The following GIPC1 variants were observed in gnomAD, a reference collection of about 807,000 sequenced individuals.
GIPC1 encodes GIPC PDZ domain containing family member 1.
Under a neutral mutation model 28.5 loss-of-function variants are expected in GIPC1, and 15 were observed. The observed-to-expected ratio is 0.53, with a 90% CI of 0.35 to 0.81. The LOEUF (loss-of-function observed/expected upper bound fraction) is 0.81. GIPC1 is among the 30% of genes least tolerant of loss of function. The pLI is 0.01. For synonymous variants in GIPC1, 224 were observed against 206.1 expected (o/e 1.09, Z -0.74); for missense variants, 439 against 481.9 (o/e 0.91, Z 0.83).
intron 1 of GIPC1, among the ~76,000 whole-genome samples, chr19:14,494,283 G>A (rs1457024166): frequency 6.6e-6 from 1 of 151,974 alleles, no homozygotes; most frequent in East Asian, 1.9e-4. Context: ...GTAGAGACAG[G>A]GTTTCCCCAT....
rs748705149 is a variant in GIPC1 at position 14,479,457 on chromosome 19, C to G, written c.723G>C (p.Gly241=). 2.1e-5 allele frequency: 30 copies of G among 1,435,128 alleles called. No individual in the cohort carries two copies. Among genetic ancestry groups the G allele is most frequent in the Non-Finnish European group, 2.6e-5 (28 of 1,095,704 alleles). 88.9% of individuals were successfully genotyped at this position (1,435,128 alleles called of 1,614,324 possible). A position where few individuals can be genotyped will look rare whatever the true frequency, so the allele number is the denominator to read the frequency against. ...GGCCCCGGGATCGGAGCCGCAGGGT[C>G]CCTCGGCCAGTGCCCAGTTGTGGGC... ...GSGPQLGTGR[G]TLRLRSRGPA... The change falls in exon 7 of 9, where the codon GGG becomes GGC. Residue 241 remains glycine, a synonymous_variant. Transcript: ENST00000393033.
In GIPC1 at chr19:14,478,533, C is replaced by G. The variant is rs1438792217; in HGVS notation, c.885G>C (p.Arg295Ser). The change falls in exon 9 of 9, where the codon AGG (arginine) becomes AGC (serine). Residue 295 changes from arginine to serine, a missense_variant. Physicochemically the swap from Arg to Ser is moderately radical, Grantham distance 110. Transcript: ENST00000393033. The surrounding 1 kb of genome is among the most constrained non-coding windows in gnomAD (Gnocchi z 5.2). ...ATMVELGKDK[R>S]NPDELAEALD... Reference sequence around the variant, plus strand: ...GGGCCTCGGCCAGCTCATCCGGGTTCCTTTTGTCCTTTCCCAGCTCCACCA... The same window carrying G: ...GGGCCTCGGCCAGCTCATCCGGGTTGCTTTTGTCCTTTCCCAGCTCCACCA... 1 of 1,614,080 alleles carries G rather than the reference C, an allele frequency of 6.2e-7. No homozygotes were observed. The highest frequency in any genetic ancestry group is 8.5e-7 in the Non-Finnish European group (1 of 1,180,010).
At chr19:14,495,276 CAA>C (rs1165117036) in intron 1 of GIPC1, among the ~76,000 whole-genome samples, 1 of 114,998 alleles carries the variant, frequency 8.7e-6, no homozygotes, top group Non-Finnish European at 1.7e-5. Flanking sequence ...GCTGGTAAAG[CAA>C]AAGACCAGCA....
chr19:14,485,702 T>TATATATATATATATATATATGG (rs1300117748), intron 3 of GIPC1, among the ~76,000 whole-genome samples: 1 of 58,794 alleles, frequency 1.7e-5, no homozygotes, highest in African/African-American at 5.7e-5. Flanking sequence ...TATATATATA[T>TATATATATATATATATATATGG]AGAGAGAGAG....
intron 3 of GIPC1, 35 bp from the exon 4 acceptor site, chr19:14,483,041 A>G (rs1248178189): frequency 1.3e-6 from 2 of 1,497,624 alleles, no homozygotes; most frequent in Non-Finnish European, 1.8e-6. Flanking sequence ...GGGCCTGGGC[A>G]GAGGCCTTGG....
At chr19:14,480,803 C>A in intron 4 of GIPC1, 25 bp from the exon 5 acceptor site, 1 of 1,538,806 alleles carries the variant, frequency 6.5e-7, no homozygotes, top group Non-Finnish European at 8.9e-7. Flanking sequence ...GACGCTGAAA[C>A]CTCTTCCCCC....
At chr19:14,485,169 T>A (rs991066675) in intron 3 of GIPC1, among the ~76,000 whole-genome samples, 9 of 150,656 alleles carry the variant, frequency 6.0e-5, no homozygotes, top group African/African-American at 9.7e-5. Context: ...CAAAAAAAAA[T>A]AATAAAAATA....
At position 14,478,587 on chromosome 19, in the gene GIPC1, A is replaced by C; in HGVS notation, c.851-20T>G. On this transcript the variant is annotated intron_variant, in intron 8 of 8. Transcript: ENST00000393033. This position sits in a 1 kb window ranked among gnomAD's most constrained non-coding sequence, Gnocchi z 5.2. ...TGGCCGCTATTGGGGGAGGGGTCAG[A>C]ACGGAGGCACAAATGACACCAGGGA... 1 of 1,613,820 alleles carries C rather than the reference A, an allele frequency of 6.2e-7. No individual in the cohort carries two copies. Among genetic ancestry groups the C allele is most frequent in the Non-Finnish European group, 8.5e-7 (1 of 1,179,870 alleles).
intron 3 of GIPC1, among the ~76,000 whole-genome samples, chr19:14,484,619 G>A (rs1180939095): frequency 6.6e-6 from 1 of 151,818 alleles, no homozygotes; most frequent in Non-Finnish European, 1.5e-5. Flanking sequence ...GGTGGCATGT[G>A]CCTGTAGTCT....
At chr19:14,492,506 T>A (rs1013101702) in intron 2 of GIPC1, among the ~76,000 whole-genome samples, 2 of 152,030 alleles carry the variant, frequency 1.3e-5, no homozygotes, top group African/African-American at 4.8e-5. Context: ...CGCTGTTTCA[T>A]CATGTTAGCC....
Position 14,479,535 on chromosome 19 carries a change from C to G in GIPC1, c.656-11G>C. The G allele has an allele frequency of 7.2e-7, 1 of 1,392,976 alleles. No individual in the cohort carries two copies. The highest frequency in any genetic ancestry group is 9.4e-7 in the Non-Finnish European group (1 of 1,059,600). 86.3% of individuals were successfully genotyped at this position (1,392,976 alleles called of 1,614,324 possible). On this transcript the variant is annotated splice_polypyrimidine_tract_variant and intron_variant, in intron 6 of 8. Coordinates refer to ENST00000393033, the MANE Select transcript of GIPC1 (RefSeq NM_005716.4). ...GCTGGCTGATCATGTCTGTGGGAGG[C>G]AGGAGAGGAGTGAGTGTGGGGGAAG...
rs538755240 is a variant in GIPC1, at chr19:14,480,166, G to GCTGCAACCCCTTCCCTTT, written c.655+121_655+138dup. ...AGCACCCCGTCTGGGGTCGGGAGGA[G>GCTGCAACCCCTTCCCTTT]CTGCAACCCCTTCCCTTTCTGCAAC... On this transcript the variant is annotated intron_variant, in intron 6 of 8. Coordinates refer to ENST00000393033, the MANE Select transcript of GIPC1 (RefSeq NM_005716.4). The GCTGCAACCCCTTCCCTTT allele has an allele frequency of 1.8e-4, 125 of 707,408 alleles. 2 individuals are homozygous for GCTGCAACCCCTTCCCTTT. The highest frequency in any genetic ancestry group is 1.1e-3 in the African/African-American group (62 of 56,804). 43.8% of individuals were successfully genotyped at this position (707,408 alleles called of 1,614,324 possible).
At chr19:14,481,082 A>C (rs1014403416) in intron 4 of GIPC1, among the ~76,000 whole-genome samples, 1 of 151,890 alleles carries the variant, frequency 6.6e-6, no homozygotes, top group Non-Finnish European at 1.5e-5. Context: ...CAATCCTCCC[A>C]CCTCAGCCTC....
At chr19:14,482,339 G>T in intron 4 of GIPC1, 1 of 378,762 alleles carries the variant, frequency 2.6e-6, no homozygotes, top group Non-Finnish European at 4.9e-6. Context: ...TCCACCCCTA[G>T]TCTTGCACAA....
At chr19:14,488,603 T>C (rs541963259) in intron 3 of GIPC1, among the ~76,000 whole-genome samples, 1 of 151,660 alleles carries the variant, frequency 6.6e-6, no homozygotes, top group African/African-American at 2.4e-5. Flanking sequence ...AATACAAAAA[T>C]TAGCCAGGTA....
chr19:14,493,090 G>A (rs1179572676), intron 1 of GIPC1, among the ~76,000 whole-genome samples, 178 bp from the exon 2 acceptor site: 1 of 152,086 alleles, frequency 6.6e-6, no homozygotes, highest in Non-Finnish European at 1.5e-5. Context: ...CTCTCTGCCT[G>A]CCAATACCTA....
chr19:14,492,597 C>T (rs2071996701), intron 2 of GIPC1, among the ~76,000 whole-genome samples: 1 of 152,154 alleles, frequency 6.6e-6, no homozygotes. Context: ...TGAGCCACTG[C>T]ACCCGGCCTT....
chr19:14,485,290 C>G (rs2146475119), intron 3 of GIPC1, among the ~76,000 whole-genome samples: 1 of 152,110 alleles, frequency 6.6e-6, no homozygotes, highest in Non-Finnish European at 1.5e-5. Flanking sequence ...TCAAGCCATC[C>G]TCCATTCTCA....
At chr19:14,479,326 T>A (rs2071670844) in intron 7 of GIPC1, 86 bp downstream of exon 7, 1 of 546,060 alleles carries the variant, frequency 1.8e-6, no homozygotes, top group East Asian at 3.6e-5. Context: ...CACTCCAGCC[T>A]GGGTGACAAG....
Sources: allele counts gnomAD v4.1 joint callset (sites outside exome capture counted in the v4.1 genomes callset), GRCh38; gene constraint gnomAD v4.1.1; non-coding constraint Gnocchi (gnomAD v3.1); transcripts MANE v1.5; gene names NCBI Gene and HGNC (gene_info 2026-07-23, HGNC 2026-07-21).